CR1L: variants seen among roughly 807,000 people sequenced by gnomAD.
The protein encoded by CR1L is complement component receptor 1-like protein.
In CR1L, 59 loss-of-function variants were observed where a neutral mutation model predicts 62.3. The ratio of observed to expected loss-of-function variants is 0.95; its 90% CI spans 0.77 to 1.18. CR1L has a LOEUF of 1.18. Ranked by LOEUF, CR1L falls within the 50% of genes most tolerant of loss-of-function variation. The probability of loss-of-function intolerance (pLI) is 0.00; values close to 1 mark genes in which losing one functional copy is unlikely to be tolerated. For missense variants in CR1L, 700 were observed against 702.8 expected (o/e 1.00, Z 0.04); for synonymous variants, 279 against 248.7 (o/e 1.12, Z -1.15).
At chr1:207,720,891 C>T (rs1445630059) in intron 11 of CR1L, among the ~76,000 whole-genome samples, 1 of 152,198 alleles carries the variant, frequency 6.6e-6, no homozygotes, top group East Asian at 1.9e-4. Flanking sequence ...ATTAAAGCAA[C>T]TGCTTTCCTA....
At chr1:207,714,010 A>G (rs1414263947) in intron 10 of CR1L, among the ~76,000 whole-genome samples, 2 of 152,216 alleles carry the variant, frequency 1.3e-5, no homozygotes, top group Non-Finnish European at 2.9e-5. Flanking sequence ...GAGCCACTGT[A>G]TTACAGCCTT....
At chr1:207,671,499 T>G (rs1663614727) in intron 1 of CR1L, among the ~76,000 whole-genome samples, 1 of 150,988 alleles carries the variant, frequency 6.6e-6, no homozygotes, top group Admixed American at 6.6e-5. Flanking sequence ...ATGGTGCTAT[T>G]TGAAAGAGAA....
At chr1:207,647,556 A>C (rs1266504595) in intron 1 of CR1L, among the ~76,000 whole-genome samples, 2 of 152,170 alleles carry the variant, frequency 1.3e-5, no homozygotes, top group African/African-American at 4.8e-5. Context: ...CAAAAGCCCC[A>C]TTTGTTTGCT....
Position 207,723,642 on chromosome 1 carries a change from G to A in CR1L, c.1667G>A (p.Gly556Asp). The A allele has an allele frequency of 1.3e-6, 2 of 1,597,292 alleles. No individual in the cohort carries two copies. Among genetic ancestry groups the A allele is most frequent in the Non-Finnish European group, 1.7e-6 (2 of 1,170,540 alleles). The change falls in exon 12 of 12, where the codon GGT becomes GAT. Residue 556 changes from glycine (G) to aspartate (D), a missense_variant. Coordinates refer to ENST00000508064, the MANE Select transcript of CR1L (RefSeq NM_175710.2). Reference sequence around the variant, plus strand: ...GGTTCACATGATGCTCTTATAGTTGGTAAGTTTTATGAAGTGTTTGCTGAG... The same window carrying A: ...GGTTCACATGATGCTCTTATAGTTGATAAGTTTTATGAAGTGTTTGCTGAG... The part of the protein sequence containing the change: ...GAGSHDALIV[G>D]KFYEVFAEEF...
chr1:207,719,913 G>C (rs545088817), intron 11 of CR1L, among the ~76,000 whole-genome samples: 2 of 152,308 alleles, frequency 1.3e-5, no homozygotes, highest in African/African-American at 4.8e-5. Flanking sequence ...TATCTGTAGA[G>C]ACTGTGCTCT....
intron 1 of CR1L, among the ~76,000 whole-genome samples, chr1:207,670,915 A>G (rs1328351584): frequency 6.6e-6 from 1 of 151,184 alleles, no homozygotes; most frequent in East Asian, 1.9e-4. Context: ...TTCAATTTTA[A>G]AATGCTTATG....
At chr1:207,687,945 G>A (rs1663937727) in intron 4 of CR1L, among the ~76,000 whole-genome samples, 2 of 151,942 alleles carry the variant, frequency 1.3e-5, no homozygotes, top group Non-Finnish European at 2.9e-5. Flanking sequence ...CAATTTATGG[G>A]TCTTTTTTTC....
chr1:207,680,224 A>G (rs1257768002), intron 3 of CR1L, among the ~76,000 whole-genome samples: 2 of 152,230 alleles, frequency 1.3e-5, no homozygotes, highest in East Asian at 1.9e-4. Flanking sequence ...AGTATATAGG[A>G]AATCTCTGTA....
chr1:207,675,312 C>A (rs1378775474), intron 1 of CR1L, among the ~76,000 whole-genome samples: 3 of 152,128 alleles, frequency 2.0e-5, no homozygotes, highest in African/African-American at 7.2e-5. Context: ...GATTCCAAAT[C>A]CCTGAGAGGG....
chr1:207,709,817 A>T (rs1031685227), intron 10 of CR1L, among the ~76,000 whole-genome samples: 2 of 145,330 alleles, frequency 1.4e-5, no homozygotes, highest in African/African-American at 5.3e-5. Flanking sequence ...AGCCTGGGCA[A>T]CAGAGACTCT....
chr1:207,660,259 C>T (rs1443324007), intron 1 of CR1L, among the ~76,000 whole-genome samples: 2 of 152,248 alleles, frequency 1.3e-5, no homozygotes, highest in East Asian at 1.9e-4. Flanking sequence ...AACTGGGAGA[C>T]ACCTCCCAAT....
chr1:207,690,878 T>C (rs1663985984), intron 4 of CR1L, among the ~76,000 whole-genome samples: 2 of 152,246 alleles, frequency 1.3e-5, no homozygotes, highest in South Asian at 2.1e-4. Context: ...TTTGCTCTTC[T>C]GGCTCCTGTA....
At chr1:207,673,012 C>T (rs1322732816) in intron 1 of CR1L, among the ~76,000 whole-genome samples, 5 of 152,192 alleles carry the variant, frequency 3.3e-5, no homozygotes, top group African/African-American at 1.2e-4. Context: ...CAATCCCTCT[C>T]ACCCTCCCTG....
At chr1:207,646,532 A>G (rs1454286111) in intron 1 of CR1L, among the ~76,000 whole-genome samples, 5 of 152,000 alleles carry the variant, frequency 3.3e-5, no homozygotes, top group Non-Finnish European at 7.4e-5. Flanking sequence ...ACAACATGTC[A>G]AAACCCCATG....
intron 11 of CR1L, among the ~76,000 whole-genome samples, chr1:207,718,592 T>C (rs977693072): frequency 2.6e-5 from 4 of 152,098 alleles, no homozygotes; most frequent in African/African-American, 9.7e-5. Context: ...TGGCTAATTT[T>C]TGTATTTTTT....
intron 1 of CR1L, among the ~76,000 whole-genome samples, chr1:207,653,349 C>T (rs1435713405): frequency 1.1e-4 from 16 of 152,160 alleles, no homozygotes; most frequent in Non-Finnish European, 2.2e-4. Context: ...ACAGCAAAGA[C>T]GTAGAGTAAA....
At chr1:207,651,585 G>A (rs1025993179) in intron 1 of CR1L, among the ~76,000 whole-genome samples, 2 of 151,964 alleles carry the variant, frequency 1.3e-5, no homozygotes, top group South Asian at 4.2e-4. Flanking sequence ...TTTACTTGAT[G>A]TCTCCATCAT....
Position 207,686,173 on chromosome 1 carries a change from T to TTCCTTCCCTCCTTCCC in CR1L, c.463+2230_463+2245dup, listed in dbSNP as rs1481445041. Among the ~76,000 whole-genome samples, 56 of 28,410 alleles carry TTCCTTCCCTCCTTCCC rather than the reference T, an allele frequency of 2.0e-3. 2 individuals carry two copies. Among genetic ancestry groups the TTCCTTCCCTCCTTCCC allele is most frequent in the South Asian group, 4.5e-3 (2 of 448 alleles). The allele number at this position is 28,410 out of a possible 152,430, so 18.6% of individuals were successfully genotyped here. A position where few individuals can be genotyped will look rare whatever the true frequency, so the allele number is the denominator to read the frequency against. The stretch of plus-strand genomic sequence containing the variant: ...CTTCCTTCCTTCCTTCCTTCCTTCC[T>TTCCTTCCCTCCTTCCC]TCCTTCCCTCCTTCCCTCCTTCCCT... On this transcript the variant is annotated intron_variant, in intron 4 of 11. Transcript: ENST00000508064.
chr1:207,646,587 C>T (rs1018089848), intron 1 of CR1L, among the ~76,000 whole-genome samples: 7 of 151,336 alleles, frequency 4.6e-5, no homozygotes, highest in African/African-American at 1.7e-4. Flanking sequence ...GGTGTATGCC[C>T]GTGGTCCCAA....
Sources: allele counts gnomAD v4.1 joint callset (sites outside exome capture counted in the v4.1 genomes callset), GRCh38; gene constraint gnomAD v4.1.1; transcripts MANE v1.5; gene names NCBI Gene and HGNC (gene_info 2026-07-23, HGNC 2026-07-21).